The following AFF2 variants were observed in gnomAD, a reference collection of about 807,000 sequenced individuals.
AFF2 encodes ALF transcription elongation factor 2.
In AFF2, 14 loss-of-function variants were observed where a neutral mutation model predicts 76.9. That is an observed-to-expected ratio of 0.18 (90% confidence interval 0.12 to 0.28). The LOEUF is 0.28. Ranked by LOEUF, AFF2 falls within the 10% of genes least tolerant of loss-of-function variation. The probability of loss-of-function intolerance (pLI) is 1.00; values close to 1 mark genes in which losing one functional copy is unlikely to be tolerated. For synonymous variants in AFF2, 398 were observed against 366.7 expected, an observed-to-expected ratio of 1.09 and a Z score of -0.98; for missense variants, 868 against 1,001.1, an observed-to-expected ratio of 0.87 and a Z score of 1.79.
chrX:148,520,440 CAG>C (rs1236510898), intron 1 of AFF2, among the ~76,000 whole-genome samples: 3 of 111,961 alleles, frequency 2.7e-5, no homozygotes, highest in African/African-American at 9.8e-5. Flanking sequence ...GTAGCTTAGG[CAG>C]AGTGTCCTGG....
chrX:148,627,789 C>A (rs1331206283), intron 1 of AFF2, among the ~76,000 whole-genome samples: 1 of 102,015 alleles, frequency 9.8e-6, no homozygotes, highest in East Asian at 2.8e-4. Flanking sequence ...GGACAAGGAG[C>A]AAGTTTGAGA....
chrX:148,657,404 G>GA (rs1212867767), intron 2 of AFF2, among the ~76,000 whole-genome samples: 2 of 111,767 alleles, frequency 1.8e-5, no homozygotes, highest in Non-Finnish European at 3.8e-5. Context: ...TAAAATAAAA[G>GA]AAAAAAATGC....
intron 7 of AFF2, among the ~76,000 whole-genome samples, chrX:148,873,808 A>C (rs1264301600): frequency 1.8e-5 from 2 of 111,663 alleles, no homozygotes; most frequent in Admixed American, 1.9e-4. Context: ...TGTACATCTG[A>C]CAGGTGTGAT....
intron 1 of AFF2, among the ~76,000 whole-genome samples, chrX:148,606,499 T>A (rs868945730): frequency 9.7e-6 from 1 of 103,482 alleles, no homozygotes; most frequent in Non-Finnish European, 2.0e-5. Context: ...TCAAAATAAT[T>A]AAAAAAAAAA....
chrX:148,974,422 GT>G (rs1442874719), intron 16 of AFF2, among the ~76,000 whole-genome samples: 1 of 111,409 alleles, frequency 9.0e-6, no homozygotes, highest in Non-Finnish European at 1.9e-5. Context: ...TGAGTAAGCA[GT>G]TTTTTACCTG....
chrX:148,774,909 G>T (rs976980122), intron 3 of AFF2, among the ~76,000 whole-genome samples: 10 of 112,123 alleles, frequency 8.9e-5, no homozygotes, highest in Non-Finnish European at 1.9e-4. Context: ...TGATTAAAAT[G>T]AGTGAGGTGG....
chrX:148,634,428 A>G (rs2054009177), intron 1 of AFF2, among the ~76,000 whole-genome samples: 1 of 111,981 alleles, frequency 8.9e-6, no homozygotes, highest in African/African-American at 3.2e-5. Flanking sequence ...CCACTTATCT[A>G]GGGAAATCGA....
chrX:148,986,417 G>T (rs782239420), intron 19 of AFF2, among the ~76,000 whole-genome samples: 6 of 111,757 alleles, frequency 5.4e-5, no homozygotes, highest in Non-Finnish European at 3.8e-5. Flanking sequence ...GAAGAAAAAC[G>T]ACCCCCATGC....
intron 9 of AFF2, among the ~76,000 whole-genome samples, chrX:148,935,264 C>T (rs1159269032): frequency 5.4e-5 from 6 of 110,224 alleles, no homozygotes; most frequent in Non-Finnish European, 7.6e-5. Context: ...TTAGGTCTTA[C>T]ACTCAAGCGT....
At chrX:148,864,297 G>T (rs1603320155) in intron 7 of AFF2, among the ~76,000 whole-genome samples, 1 of 112,256 alleles carries the variant, frequency 8.9e-6, no homozygotes, top group East Asian at 2.8e-4. Context: ...TAGCTGAAAG[G>T]TGGAAAGGCT....
chrX:148,912,627 A>T (rs1250635870), intron 9 of AFF2, among the ~76,000 whole-genome samples: 2 of 112,454 alleles, frequency 1.8e-5, no homozygotes, highest in African/African-American at 6.5e-5. Flanking sequence ...AAAGTTTTCT[A>T]AAAAAAGAAA....
intron 1 of AFF2, among the ~76,000 whole-genome samples, chrX:148,626,411 G>A (rs1254788983): frequency 9.0e-6 from 1 of 110,640 alleles, no homozygotes; most frequent in Non-Finnish European, 1.9e-5. Context: ...TCTATTGGGT[G>A]TAGGTGACAT....
At chrX:148,853,986 G>A (rs782161283) in intron 7 of AFF2, among the ~76,000 whole-genome samples, 1 of 112,118 alleles carries the variant, frequency 8.9e-6, no homozygotes, top group African/African-American at 3.2e-5. Context: ...TAGAGAATGG[G>A]ATTTGGGACT....
intron 9 of AFF2, among the ~76,000 whole-genome samples, chrX:148,908,067 G>T (rs1389574929): frequency 6.3e-5 from 7 of 111,896 alleles, no homozygotes; most frequent in African/African-American, 2.3e-4. Flanking sequence ...CTCACCAGCG[G>T]TCAGAGTTTA....
At chrX:148,585,835 C>T (rs2053462962) in intron 1 of AFF2, among the ~76,000 whole-genome samples, 2 of 73,653 alleles carry the variant, frequency 2.7e-5, no homozygotes, top group African/African-American at 9.7e-5. Context: ...AGCGAGACTG[C>T]GTCTCAAAAA....
intron 1 of AFF2, among the ~76,000 whole-genome samples, chrX:148,553,036 G>A (rs1331410089): frequency 4.5e-5 from 5 of 111,585 alleles, no homozygotes; most frequent in African/African-American, 1.6e-4. Flanking sequence ...CAAATGGTGG[G>A]GATTTAAAAA....
At chrX:148,787,007 A>G (rs781798337) in intron 3 of AFF2, among the ~76,000 whole-genome samples, 1 of 112,182 alleles carries the variant, frequency 8.9e-6, no homozygotes, top group Non-Finnish European at 1.9e-5. Flanking sequence ...TAATGATTAT[A>G]TACATGCAAA....
rs1221162932 is a variant in AFF2 at position 148,996,361 on chromosome X, A to G, written c.*5029A>G. ...GAATAGAAAGCACCTGGTTTGCACC[A>G]TTTGCCAATTTCCATGGCATAAATA... On this transcript the variant is annotated 3_prime_UTR_variant, in exon 21 of 21. Coordinates refer to ENST00000370460, the MANE Select transcript of AFF2 (RefSeq NM_002025.4). 2 of 112,862 alleles carry G rather than the reference A, an allele frequency of 1.8e-5. No individual in the cohort carries two copies. The highest frequency in any genetic ancestry group is 3.7e-5 in the Non-Finnish European group (2 of 53,381). The allele number at this position is 112,862 out of a possible 1,213,427, so 9.3% of individuals were successfully genotyped here.
At chrX:148,704,741 G>A (rs1465176715) in intron 3 of AFF2, among the ~76,000 whole-genome samples, 7 of 106,698 alleles carry the variant, frequency 6.6e-5, no homozygotes, top group Non-Finnish European at 1.2e-4. Context: ...TAGCCAGGCT[G>A]GTCTTGAACT....
Sources: allele counts gnomAD v4.1 joint callset (sites outside exome capture counted in the v4.1 genomes callset), GRCh38; gene constraint gnomAD v4.1.1; transcripts MANE v1.5; gene names NCBI Gene and HGNC (gene_info 2026-07-23, HGNC 2026-07-21).